CELSR1: variants seen among roughly 807,000 people sequenced by gnomAD.
The protein encoded by CELSR1 is adhesion G protein-coupled receptor C1.
Under a neutral mutation model 249.1 loss-of-function variants are expected in CELSR1, and 110 were observed. That is an observed-to-expected ratio of 0.44 (90% confidence interval 0.38 to 0.52). The LOEUF (loss-of-function observed/expected upper bound fraction) is 0.52. Among genes scored for constraint, CELSR1 ranks in the 20% least tolerant of loss-of-function variants. The pLI is 0.00. For synonymous variants in CELSR1, 2,113 were observed against 1,900.0 expected (o/e 1.11, Z -2.92); for missense variants, 4,109 against 4,296.4 (o/e 0.96, Z 1.22).
chr22:46,491,932 G>A (rs374377792), intron 1 of CELSR1, among the ~76,000 whole-genome samples: 19 of 152,248 alleles, frequency 1.2e-4, no homozygotes, highest in Non-Finnish European at 2.6e-4. Context: ...CCACGATGTC[G>A]CGCCTCTCTA....
chr22:46,436,029 T>C lies in CELSR1; in HGVS notation c.4522+145A>G. Reference sequence around the variant, plus strand: ...TGAACATCTTTGTGTACTTTGGATTTCTTAAATAAGACAGCTTCCTAGACC... The same window carrying C: ...TGAACATCTTTGTGTACTTTGGATTCCTTAAATAAGACAGCTTCCTAGACC... On this transcript the variant is annotated intron_variant, in intron 4 of 34. Transcript: ENST00000674500. The surrounding 1 kb of genome is among the most constrained non-coding windows in gnomAD (Gnocchi z 5.9). 1 of 625,712 alleles carries C rather than the reference T, an allele frequency of 1.6e-6. No individual in the cohort carries two copies. The highest frequency in any genetic ancestry group is 2.0e-5 in the South Asian group (1 of 50,524). The allele number at this position is 625,712 out of a possible 1,614,324, so 38.8% of individuals were successfully genotyped here.
At chr22:46,531,380 A>G (rs2080790848) in intron 1 of CELSR1, among the ~76,000 whole-genome samples, 1 of 151,892 alleles carries the variant, frequency 6.6e-6, no homozygotes, top group South Asian at 2.1e-4. Context: ...TAATTTTTGT[A>G]TTTTTAGCAA....
intron 2 of CELSR1, among the ~76,000 whole-genome samples, chr22:46,458,152 G>T (rs2079978948): frequency 6.6e-6 from 1 of 152,208 alleles, no homozygotes; most frequent in Non-Finnish European, 1.5e-5. Flanking sequence ...GAAGACCTGG[G>T]GGAAGGTGCG....
chr22:46,456,781 G>A (rs893875405), intron 2 of CELSR1, among the ~76,000 whole-genome samples: 3 of 150,872 alleles, frequency 2.0e-5, no homozygotes, highest in South Asian at 2.1e-4. Flanking sequence ...ATTTTCCCAT[G>A]AGCACACAGG....
chr22:46,511,648 A>AC (rs1360623244), intron 1 of CELSR1, among the ~76,000 whole-genome samples: 1 of 152,106 alleles, frequency 6.6e-6, no homozygotes, highest in African/African-American at 2.4e-5. Context: ...CAGCGCCAAC[A>AC]CCCCCACAAT....
chr22:46,487,787 A>T (rs1361817834), intron 1 of CELSR1, among the ~76,000 whole-genome samples: 1 of 126,462 alleles, frequency 7.9e-6, no homozygotes, highest in Non-Finnish European at 1.7e-5. Context: ...GGAGTCCAGG[A>T]TACTGACGGA....
intron 1 of CELSR1, among the ~76,000 whole-genome samples, chr22:46,504,960 C>A (rs1347241832): frequency 6.6e-6 from 1 of 152,142 alleles, no homozygotes; most frequent in Non-Finnish European, 1.5e-5. Flanking sequence ...AAAATGAGGC[C>A]ATCTCAAAAG....
intron 1 of CELSR1, among the ~76,000 whole-genome samples, chr22:46,501,126 C>T (rs1026868756): frequency 5.3e-5 from 8 of 151,694 alleles, no homozygotes; most frequent in Admixed American, 3.3e-4. Flanking sequence ...CTTCGCCTCC[C>T]GGGTTCAAGC....
At position 46,536,067 on chromosome 22, in the gene CELSR1, C is replaced by A. The variant is rs2080851514; in HGVS notation, c.1104G>T (p.Val368=). 3 of 1,611,168 alleles carry A rather than the reference C, an allele frequency of 1.9e-6. No homozygotes were observed. The highest frequency in any genetic ancestry group is 2.5e-6 in the Non-Finnish European group (3 of 1,179,942). The part of the protein sequence containing the change: ...YRERVRENLE[V]GYEVLTIRAS... ...CGCGGATGGTCAGCACCTCGTAGCC[C>A]ACCTCCAGGTTCTCCCGCACGCGCT... The change falls in exon 1 of 35, where the codon GTG becomes GTT. Residue 368 remains valine, a synonymous_variant. Coordinates refer to ENST00000674500, the MANE Select transcript of CELSR1 (RefSeq NM_001378328.1).
rs1382170123 is a variant in CELSR1 at position 46,500,452 on chromosome 22, C to G, written c.3544+33175G>C. ...GGAGGGCGAACGGTTGATGGGCAAC[C>G]ATGGGGACAATGGCAAGGCTCTGGG... On this transcript the variant is annotated intron_variant, in intron 1 of 34. Coordinates refer to ENST00000674500, the MANE Select transcript of CELSR1 (RefSeq NM_001378328.1). The surrounding 1 kb of genome is among the most constrained non-coding windows in gnomAD (Gnocchi z 4.9). 6.6e-6 allele frequency among the ~76,000 whole-genome samples: 1 copy of G among 152,154 alleles called. No homozygotes were observed. The highest frequency in any genetic ancestry group is 2.4e-5 in the African/African-American group (1 of 41,440).
chr22:46,433,469 G>A lies in CELSR1; in HGVS notation c.4535C>T (p.Thr1512Met), dbSNP rs573686247. The change falls in exon 5 of 35, where the codon ACG becomes ATG. Residue 1512 changes from threonine to methionine, a missense_variant. Physicochemically the swap from Thr to Met is moderately conservative, Grantham distance 81 (BLOSUM62 -1). Coordinates refer to ENST00000674500, the MANE Select transcript of CELSR1 (RefSeq NM_001378328.1). This position sits in a 1 kb window ranked among gnomAD's most constrained non-coding sequence, Gnocchi z 5.7. ...QLTFSAGETTTTVAPKVPSGV... is the reference protein window; with the variant it reads ...QLTFSAGETTMTVAPKVPSGV... ...ACTGGGAACCTTCGGTGCCACGGTC[G>A]TTGTTGTCTCGCCTGCATGGTGGGA... is the stretch of plus-strand genomic sequence containing the variant. 9.3e-6 allele frequency: 15 copies of A among 1,613,832 alleles called. No homozygotes were observed. Among genetic ancestry groups the A allele is most frequent in the African/African-American group, 5.3e-5 (4 of 75,032 alleles).
At position 46,422,267 on chromosome 22, in the gene CELSR1, G is replaced by A. The variant is rs75325050; in HGVS notation, c.4612-10508C>T. 5.7e-3 allele frequency among the ~76,000 whole-genome samples: 871 copies of A among 151,876 alleles called. 19 individuals carry two copies. Among genetic ancestry groups the A allele is most frequent in the South Asian group, 0.033 (158 of 4,802 alleles). ...ATTATGGGCACCTGCCACCACGCCC[G>A]GCTAATTTTTTTGTATTTTTAGTAG... On this transcript the variant is annotated intron_variant, in intron 5 of 34. Transcript: ENST00000674500.
In CELSR1 at chr22:46,366,488, G is replaced by T; in HGVS notation, c.8206-8C>A. On this transcript the variant is annotated splice_polypyrimidine_tract_variant and splice_region_variant and intron_variant, in intron 29 of 34. Transcript: ENST00000674500. ...GTTGCAGTTGAGGGAGCGCTGAAGG[G>T]AGGGGAGGGGCTGGTCACTGCCAAG... is the stretch of plus-strand genomic sequence containing the variant. 1 of 1,548,264 alleles carries T rather than the reference G, an allele frequency of 6.5e-7. No homozygotes were observed.
chr22:46,453,009 GGGGAGAGGGC>G (rs1174011302), intron 2 of CELSR1, among the ~76,000 whole-genome samples: 250 of 152,336 alleles, frequency 1.6e-3, no homozygotes, highest in Non-Finnish European at 2.9e-3. Context: ...CTTCCACCCA[GGGGAGAGGGC>G]ACTGTGCAGC....
Position 46,386,563 on chromosome 22 carries a change from G to C in CELSR1, c.6578C>G (p.Ala2193Gly). 6.3e-7 allele frequency: 1 copy of C among 1,596,644 alleles called. No individual in the cohort carries two copies. The highest frequency in any genetic ancestry group is 8.5e-7 in the Non-Finnish European group (1 of 1,174,904). ...CGCCCTGGTGGCTGGGGCCAGGAGG[G>C]CGCTGCCCGAGTGGATGACGTCCTG... ...FHEDVIHSGSALLAPATRAAW... is the reference protein window; with the variant it reads ...FHEDVIHSGSGLLAPATRAAW... Residue 2193 changes from alanine (A) to glycine (G), a missense_variant, in exon 19 of 35, where the codon GCC becomes GGC. Physicochemically the swap from Ala to Gly is moderately conservative, Grantham distance 60. This residue lies in a region of CELSR1 where 1,805 missense variants were observed against 1,831.6 expected (regional missense o/e 0.99). Coordinates refer to ENST00000674500, the MANE Select transcript of CELSR1 (RefSeq NM_001378328.1).
chr22:46,385,701 G>A (rs989288226), intron 19 of CELSR1, among the ~76,000 whole-genome samples: 30 of 144,930 alleles, frequency 2.1e-4, no homozygotes, highest in East Asian at 4.0e-4. Flanking sequence ...TTTTTGAGAC[G>A]GAGTCTGGCT....
At chr22:46,389,797 T>TA (rs891914384) in intron 17 of CELSR1, among the ~76,000 whole-genome samples, 1 of 150,580 alleles carries the variant, frequency 6.6e-6, no homozygotes. Context: ...ATTTTAAAAA[T>TA]AAAAAAATTA....
At position 46,445,742 on chromosome 22, in the gene CELSR1, C is replaced by A. The variant is rs934009343; in HGVS notation, c.4184-6331G>T. On this transcript the variant is annotated intron_variant, in intron 2 of 34. Coordinates refer to ENST00000674500, the MANE Select transcript of CELSR1 (RefSeq NM_001378328.1). The surrounding 1 kb of genome is among the most constrained non-coding windows in gnomAD (Gnocchi z 4.4). ...CTCTGCAAACCCGGTGCCCCGAGAG[C>A]AGCAGCGCCTGGCTGGCAGAGCCTT... Among the ~76,000 whole-genome samples the A allele has an allele frequency of 6.6e-6, 1 of 152,222 alleles. No homozygotes were observed. The highest frequency in any genetic ancestry group is 1.5e-5 in the Non-Finnish European group (1 of 68,036).
chr22:46,385,717 G>A (rs1352096217), intron 19 of CELSR1, among the ~76,000 whole-genome samples: 17 of 136,168 alleles, frequency 1.2e-4, no homozygotes, highest in African/African-American at 2.3e-4. Context: ...TGGCTCTCTC[G>A]CCCAGGCTGG....
Sources: gnomAD v4.1 joint callset for allele counts (sites outside exome capture counted in the v4.1 genomes callset) on GRCh38, gnomAD v4.1.1 for gene constraint, gnomAD v4.1.1 regional missense constraint, Gnocchi (gnomAD v3.1) non-coding constraint, MANE v1.5 for transcripts, NCBI Gene and HGNC (gene_info 2026-07-23, HGNC 2026-07-21) for gene names.